Variants in TMEM242 observed in about 807,000 individuals in gnomAD.
TMEM242 encodes the protein UPF0463 transmembrane protein C6orf35.
In TMEM242, 10 loss-of-function variants were observed where a neutral mutation model predicts 18.2. The observed-to-expected ratio is 0.55, with a 90% CI of 0.34 to 0.93. The LOEUF is 0.93. TMEM242 is among the 40% of genes least tolerant of loss of function. The probability of loss-of-function intolerance (pLI) is 0.02; values close to 1 mark genes in which losing one functional copy is unlikely to be tolerated. For missense variants in TMEM242, 186 were observed against 175.5 expected (o/e 1.06, Z -0.34); for synonymous variants, 57 against 69.9 (o/e 0.81, Z 0.92).
chr6:157,322,939 T>C, intron 1 of TMEM242, 134 bp from the exon 2 acceptor site: 2 of 747,966 alleles, frequency 2.7e-6, no homozygotes, highest in Non-Finnish European at 4.2e-6. Context: ...CAAGAAACCA[T>C]GGCTAAGCAG....
At chr6:157,319,433 A>C (rs1554250589) in intron 2 of TMEM242, among the ~76,000 whole-genome samples, 1 of 152,240 alleles carries the variant, frequency 6.6e-6, no homozygotes, top group African/African-American at 2.4e-5. Flanking sequence ...TGCAGGATAG[A>C]CTAGTTAACA....
intron 2 of TMEM242, among the ~76,000 whole-genome samples, chr6:157,319,470 G>A (rs917893740): frequency 1.2e-4 from 18 of 152,116 alleles, no homozygotes; most frequent in Admixed American, 1.0e-3. Flanking sequence ...TTAATAGATC[G>A]ACCAAAGAAG....
At chr6:157,317,807 CTT>C (rs1194352654) in intron 3 of TMEM242, among the ~76,000 whole-genome samples, 1 of 152,226 alleles carries the variant, frequency 6.6e-6, no homozygotes, top group Non-Finnish European at 1.5e-5. Flanking sequence ...CAACTTCACT[CTT>C]TCTCACACCC....
Position 157,304,477 on chromosome 6 carries a change from AAAAAAAAAAAAAAAGAG to A in TMEM242, c.328-11495_328-11479del, listed in dbSNP as rs1554247759. ...GAGACTCTGTCAAAAAAAAAAAAAA[AAAAAAAAAAAAAAAGAG>A]AGAGAGAGAGAGTGCCACTGAAATG... On this transcript the variant is annotated intron_variant, in intron 3 of 3. Transcript: ENST00000400788. Among the ~76,000 whole-genome samples, 4 of 125,218 alleles carry A rather than the reference AAAAAAAAAAAAAAAGAG, an allele frequency of 3.2e-5. 1 individual carries two copies. The East Asian group carries it at 7.5e-4, about 23-fold the overall frequency. 82.1% of individuals were successfully genotyped at this position (125,218 alleles called of 152,430 possible). A position where few individuals can be genotyped will look rare whatever the true frequency, so the allele number is the denominator to read the frequency against.
rs1583577002 is a variant in TMEM242 at position 157,318,876 on chromosome 6, A to G, written c.233T>C (p.Leu78Pro). Residue 78 changes from leucine to proline, a missense_variant, in exon 3 of 4, where the codon CTT becomes CCT. Physicochemically the swap from Leu to Pro is moderately conservative, Grantham distance 98. Transcript: ENST00000400788. ...GCCCCAGCCCAGAGCTCGCAAGGCA[A>G]GGGAAGACCCGCTTTCCGGTAATGC... ...TAALPESGSSLALRALGWGSL... is the reference protein window; with the variant it reads ...TAALPESGSSPALRALGWGSL... 1.2e-6 allele frequency: 2 copies of G among 1,611,616 alleles called. 1 individual carries two copies. Among genetic ancestry groups the G allele is most frequent in the South Asian group, 2.2e-5 (2 of 90,348 alleles).
At chr6:157,310,976 GTCCCAGTATGCGCTAACCTAGCCT>G (rs1554248542) in intron 3 of TMEM242, among the ~76,000 whole-genome samples, 772 of 55,834 alleles carry the variant, frequency 0.014, 21 homozygotes, top group Middle Eastern at 0.025. Flanking sequence ...TCATCATAGT[GTCCCAGTATGCGCTAACCTAGCCT>G]CCCCAGTGTG....
intron 2 of TMEM242, among the ~76,000 whole-genome samples, chr6:157,319,635 A>G (rs1554250600): frequency 6.6e-6 from 1 of 152,256 alleles, no homozygotes; most frequent in African/African-American, 2.4e-5. Context: ...AAATGAGAAC[A>G]GGACATTAAA....
intron 3 of TMEM242, among the ~76,000 whole-genome samples, chr6:157,304,871 T>C (rs1006250387): frequency 1.3e-5 from 2 of 151,684 alleles, no homozygotes; most frequent in Non-Finnish European, 2.9e-5. Context: ...GGGGAAGGAG[T>C]TTCCTGGGCA....
chr6:157,296,364 G>A (rs781917484), intron 3 of TMEM242, among the ~76,000 whole-genome samples: 1 of 152,158 alleles, frequency 6.6e-6, no homozygotes, highest in Non-Finnish European at 1.5e-5. Context: ...GCTGTGCCCT[G>A]CACACCTCCA....
chr6:157,293,385 A>AACAG (rs1319304841), intron 3 of TMEM242, among the ~76,000 whole-genome samples: 4 of 149,994 alleles, frequency 2.7e-5, no homozygotes, highest in African/African-American at 1.0e-4. Context: ...CAAACAAACA[A>AACAG]ACCACTCTTA....
At chr6:157,319,655 A>G (rs1384205978) in intron 2 of TMEM242, among the ~76,000 whole-genome samples, 1 of 152,226 alleles carries the variant, frequency 6.6e-6, no homozygotes, top group Non-Finnish European at 1.5e-5. Flanking sequence ...AAGGATAACT[A>G]TCATCCCAAA....
intron 3 of TMEM242, among the ~76,000 whole-genome samples, chr6:157,300,426 G>A (rs1777814460): frequency 6.6e-6 from 1 of 152,212 alleles, no homozygotes; most frequent in Non-Finnish European, 1.5e-5. Flanking sequence ...CCAGATCCCC[G>A]GAATTACTAG....
intron 3 of TMEM242, chr6:157,299,611 C>T (rs782050236): frequency 3.5e-4 from 566 of 1,596,070 alleles, no homozygotes; most frequent in Non-Finnish European, 4.7e-4. Flanking sequence ...AAACAATAAT[C>T]AGCTTGCAGA....
intron 3 of TMEM242, among the ~76,000 whole-genome samples, chr6:157,313,173 C>G (rs1778249923): frequency 1.7e-5 from 2 of 117,086 alleles, no homozygotes; most frequent in East Asian, 2.7e-4. Flanking sequence ...TCATAGTGTC[C>G]CACTGTGCGC....
At chr6:157,314,775 A>T (rs1429467716) in intron 3 of TMEM242, among the ~76,000 whole-genome samples, 2 of 152,286 alleles carry the variant, frequency 1.3e-5, no homozygotes, top group African/African-American at 2.4e-5. Flanking sequence ...CAGAATAATT[A>T]TGAATAAACA....
chr6:157,321,114 T>C (rs1156942279), intron 2 of TMEM242, among the ~76,000 whole-genome samples: 1 of 150,716 alleles, frequency 6.6e-6, no homozygotes, highest in African/African-American at 2.4e-5. Flanking sequence ...GTTCACGCCA[T>C]TCTCCTGCCT....
Position 157,290,745 on chromosome 6 carries a change from C to A in TMEM242, c.*2156G>T, listed in dbSNP as rs6605502. ...AATTTCCATCTGTGCATTACTTCACCTTTGCTTTTAAGATGCAATTGGAGC... is the reference window on the plus strand; with the variant it reads ...AATTTCCATCTGTGCATTACTTCACATTTGCTTTTAAGATGCAATTGGAGC... On this transcript the variant is annotated 3_prime_UTR_variant, in exon 4 of 4. Coordinates refer to ENST00000400788, the MANE Select transcript of TMEM242 (RefSeq NM_018452.6). The A allele has an allele frequency of 6.6e-6, 1 of 152,060 alleles. No individual in the cohort carries two copies. The highest frequency in any genetic ancestry group is 1.5e-5 in the Non-Finnish European group (1 of 68,008). 9.4% of individuals were successfully genotyped at this position (152,060 alleles called of 1,614,324 possible).
At chr6:157,313,730 C>A (rs1778300439) in intron 3 of TMEM242, among the ~76,000 whole-genome samples, 1 of 78,900 alleles carries the variant, frequency 1.3e-5, no homozygotes, top group Non-Finnish European at 2.8e-5. Context: ...TGTGTGCTCA[C>A]CCGGCCTCAT....
chr6:157,310,530 TGGTATCCC>T (rs1777996770), intron 3 of TMEM242, among the ~76,000 whole-genome samples: 5 of 63,280 alleles, frequency 7.9e-5, no homozygotes, highest in Middle Eastern at 0.01. Context: ...GGCCTCATCA[TGGTATCCC>T]AGTGTGCGCT....
Sources: allele counts gnomAD v4.1 joint callset (sites outside exome capture counted in the v4.1 genomes callset), GRCh38; gene constraint gnomAD v4.1.1; transcripts MANE v1.5; gene names NCBI Gene and HGNC (gene_info 2026-07-23, HGNC 2026-07-21).